Variants in FLI1 observed in about 807,000 individuals in gnomAD.
FLI1 encodes Friend leukemia integration 1 transcription factor.
Under a neutral mutation model 53.1 loss-of-function variants are expected in FLI1, and 13 were observed. That is an observed-to-expected ratio of 0.24 (90% CI 0.16 to 0.39). FLI1 has a LOEUF of 0.39. Among genes scored for constraint, FLI1 ranks in the 10% least tolerant of loss-of-function variants. The pLI is 1.00. For missense variants in FLI1, 424 were observed against 600.5 expected, an observed-to-expected ratio of 0.71 and a Z score of 3.07; for synonymous variants, 244 against 236.7, an observed-to-expected ratio of 1.03 and a Z score of -0.28.
At chr11:128,755,733 A>T (rs1940831989) in intron 1 of FLI1, among the ~76,000 whole-genome samples, 1 of 152,244 alleles carries the variant, frequency 6.6e-6, no homozygotes, top group South Asian at 2.1e-4. Context: ...GAAGGATCCC[A>T]GCAGATGTTA....
At chr11:128,757,637 CT>C (rs903610771) in intron 1 of FLI1, among the ~76,000 whole-genome samples, 2 of 152,232 alleles carry the variant, frequency 1.3e-5, no homozygotes, top group African/African-American at 4.8e-5. Context: ...CACACCTAGC[CT>C]CTCTGGGTGG....
chr11:128,805,347 A>G lies in FLI1; in HGVS notation c.656-19A>G. On this transcript the variant is annotated intron_variant, in intron 5 of 8. Transcript: ENST00000527786. ...AAGCAGGCGATGCTAATGTACCCCTATTTGTTATTGTTCATTAGACCCTTC... is the reference window on the plus strand; with the variant it reads ...AAGCAGGCGATGCTAATGTACCCCTGTTTGTTATTGTTCATTAGACCCTTC... 6.6e-7 allele frequency: 1 copy of G among 1,524,664 alleles called. No homozygotes were observed. Among genetic ancestry groups the G allele is most frequent in the Non-Finnish European group, 9.0e-7 (1 of 1,112,798 alleles). 94.4% of individuals were successfully genotyped at this position (1,524,664 alleles called of 1,614,324 possible).
chr11:128,718,378 T>A (rs532672466), intron 1 of FLI1, among the ~76,000 whole-genome samples: 1 of 152,288 alleles, frequency 6.6e-6, no homozygotes, highest in African/African-American at 2.4e-5. Context: ...ATGAGAAACT[T>A]GCTTTCCAAA....
chr11:128,721,161 A>T (rs947477984), intron 1 of FLI1, among the ~76,000 whole-genome samples: 1 of 152,078 alleles, frequency 6.6e-6, no homozygotes, highest in South Asian at 2.1e-4. Flanking sequence ...TGTGGAGCTC[A>T]CCCCTGTAGG....
At chr11:128,686,450 A>C (rs1865805004), upstream of FLI1, 1 of 456,200 alleles carries the variant, frequency 2.2e-6, no homozygotes, top group African/African-American at 2.0e-5. Flanking sequence ...CGGGGACGGG[A>C]CTGAGGCGTA....
intron 5 of FLI1, among the ~76,000 whole-genome samples, chr11:128,795,748 C>T (rs952558371): frequency 6.6e-6 from 1 of 152,134 alleles, no homozygotes; most frequent in African/African-American, 2.4e-5. Flanking sequence ...GACATGGTTT[C>T]ACCATGTTAG....
intron 1 of FLI1, among the ~76,000 whole-genome samples, chr11:128,757,049 TTTCTTTCTTTC>T (rs1940901358): frequency 2.0e-5 from 1 of 49,326 alleles, no homozygotes; most frequent in African/African-American, 9.7e-5. Flanking sequence ...TAATTTTTTC[TTTCTTTCTTTC>T]TTTCTTTCTT....
At chr11:128,767,010 G>A (rs1008474588) in intron 2 of FLI1, among the ~76,000 whole-genome samples, 24 of 145,802 alleles carry the variant, frequency 1.6e-4, no homozygotes, top group Non-Finnish European at 3.6e-4. Flanking sequence ...GCTGAGCAGC[G>A]GGCACTGGGT....
intron 4 of FLI1, among the ~76,000 whole-genome samples, chr11:128,778,423 T>C (rs1301354042): frequency 6.6e-6 from 1 of 152,166 alleles, no homozygotes; most frequent in Non-Finnish European, 1.5e-5. Context: ...TAGGTGAGTT[T>C]TGCCTATTTC....
chr11:128,777,716 A>T (rs536182931), intron 4 of FLI1, among the ~76,000 whole-genome samples: 2 of 152,232 alleles, frequency 1.3e-5, no homozygotes, highest in Non-Finnish European at 2.9e-5. Flanking sequence ...AGAGCTGTTG[A>T]TATAGCAGTG....
intron 1 of FLI1, among the ~76,000 whole-genome samples, chr11:128,703,321 A>G (rs1189663858): frequency 6.6e-6 from 1 of 152,212 alleles, no homozygotes; most frequent in Non-Finnish European, 1.5e-5. Context: ...CCAATTCTAC[A>G]GCTATGTTCA....
intron 1 of FLI1, among the ~76,000 whole-genome samples, chr11:128,688,634 CG>C (rs1347170003): frequency 6.6e-6 from 1 of 152,146 alleles, no homozygotes; most frequent in Admixed American, 6.5e-5. Context: ...CCGGCTCCAC[CG>C]GGGTCACGAT....
chr11:128,795,873 G>A (rs1409440433), intron 5 of FLI1, among the ~76,000 whole-genome samples: 1 of 152,080 alleles, frequency 6.6e-6, no homozygotes, highest in Non-Finnish European at 1.5e-5. Context: ...TCATATGCAT[G>A]GTGTCATTTA....
chr11:128,781,000 A>C (rs1941898074), intron 4 of FLI1, among the ~76,000 whole-genome samples: 1 of 152,224 alleles, frequency 6.6e-6, no homozygotes, highest in East Asian at 1.9e-4. Context: ...TAAACAAAGG[A>C]AAAAGTCTAG....
chr11:128,686,331 G>C (rs1865802011), upstream of FLI1: 1 of 456,166 alleles, frequency 2.2e-6, no homozygotes, highest in Non-Finnish European at 4.4e-6. Flanking sequence ...CCCAGGCCCT[G>C]GGGGAGGCGG....
chr11:128,758,875 G>A (rs1940999452), intron 2 of FLI1, among the ~76,000 whole-genome samples: 2 of 152,220 alleles, frequency 1.3e-5, no homozygotes, highest in South Asian at 4.1e-4. Flanking sequence ...GGCTTTGCTT[G>A]TAGAAATGGA....
At chr11:128,744,010 C>A (rs771124208) in intron 1 of FLI1, among the ~76,000 whole-genome samples, 7 of 152,138 alleles carry the variant, frequency 4.6e-5, no homozygotes, top group Non-Finnish European at 8.8e-5. Flanking sequence ...ACCAGCTGTG[C>A]ACCAGAGAGG....
chr11:128,690,339 G>A (rs1340837875), upstream of FLI1, among the ~76,000 whole-genome samples: 6 of 152,172 alleles, frequency 3.9e-5, no homozygotes, highest in Non-Finnish European at 8.8e-5. Context: ...AGGGAGAGGA[G>A]CGGCCCGAGA....
chr11:128,685,153 CA>C (rs1591716192), upstream of FLI1, among the ~76,000 whole-genome samples: 1 of 152,378 alleles, frequency 6.6e-6, no homozygotes, highest in East Asian at 1.9e-4. Flanking sequence ...AGCTCCTGCA[CA>C]GCGGCTCCTG....
Sources: gnomAD v4.1 joint callset for allele counts (sites outside exome capture counted in the v4.1 genomes callset) on GRCh38, gnomAD v4.1.1 for gene constraint, MANE v1.5 for transcripts, NCBI Gene and HGNC (gene_info 2026-07-23, HGNC 2026-07-21) for gene names.